EDA: variants seen among roughly 807,000 people sequenced by gnomAD.
The protein encoded by EDA is ectodysplasin-A.
Under a neutral mutation model 23.6 loss-of-function variants are expected in EDA, and 2 were observed. That is an observed-to-expected ratio of 0.08 (90% CI 0.03 to 0.27). The LOEUF (loss-of-function observed/expected upper bound fraction) is 0.27, where lower values mean the gene tolerates loss of function less well. Among genes scored for constraint, EDA ranks in the 10% least tolerant of loss-of-function variants. EDA has a pLI of 1.00. For missense variants in EDA, 229 were observed against 324.2 expected, an observed-to-expected ratio of 0.71 and a Z score of 2.26; for synonymous variants, 131 against 132.0, an observed-to-expected ratio of 0.99 and a Z score of 0.05.
At chrX:69,706,282 C>T (rs1022198285) in intron 1 of EDA, among the ~76,000 whole-genome samples, 11 of 111,832 alleles carry the variant, frequency 9.8e-5, no homozygotes, top group Non-Finnish European at 2.1e-4. Context: ...AAGATTTTGA[C>T]GAAGGCATAG....
At chrX:69,896,398 AGTGTGT>A (rs373119823) in intron 1 of EDA, among the ~76,000 whole-genome samples, 6 of 97,303 alleles carry the variant, frequency 6.2e-5, no homozygotes, top group African/African-American at 7.7e-5. Context: ...TATGTGCATC[AGTGTGT>A]GTGTGTGTGT....
At chrX:69,987,326 A>T (rs1403709798) in intron 2 of EDA, among the ~76,000 whole-genome samples, 22 of 106,456 alleles carry the variant, frequency 2.1e-4, no homozygotes, top group South Asian at 8.0e-4. Flanking sequence ...ATAAATAAAT[A>T]AAAAAAAAAT....
intron 1 of EDA, among the ~76,000 whole-genome samples, chrX:69,803,859 A>G (rs1404528127): frequency 9.2e-6 from 1 of 108,510 alleles, no homozygotes; most frequent in Non-Finnish European, 1.9e-5. Context: ...TCTACTTTCC[A>G]CTTTTATGAG....
chrX:69,826,070 G>T (rs916302115), intron 1 of EDA, among the ~76,000 whole-genome samples: 3 of 109,699 alleles, frequency 2.7e-5, no homozygotes, highest in African/African-American at 1.0e-4. Flanking sequence ...GAGATAGTTT[G>T]TTATAATTTC....
intron 1 of EDA, among the ~76,000 whole-genome samples, chrX:69,700,542 G>A (rs775503173): frequency 1.8e-5 from 2 of 111,129 alleles, no homozygotes; most frequent in Non-Finnish European, 3.8e-5. Flanking sequence ...TTTTTGACAG[G>A]TAGAATTGGT....
chrX:69,847,000 C>A (rs1423640304), intron 1 of EDA, among the ~76,000 whole-genome samples: 1 of 111,602 alleles, frequency 9.0e-6, no homozygotes, highest in Non-Finnish European at 1.9e-5. Context: ...ACTAAAGTAG[C>A]TTATTCAGAT....
rs186282260 is a variant in EDA, at chrX:69,995,828, G to A, written c.503-27390G>A. 3.2e-3 allele frequency among the ~76,000 whole-genome samples: 356 copies of A among 111,979 alleles called. 1 individual carries two copies. Among genetic ancestry groups the A allele is most frequent in the African/African-American group, 0.011 (340 of 30,814 alleles). On this transcript the variant is annotated intron_variant, in intron 2 of 7. Transcript: ENST00000374552. ...AACCTCACTCCGTACTTCCAGAAGG[G>A]GCAACCACTAGACCAGAAGGAATGG...
chrX:69,883,563 T>G (rs1938025), intron 1 of EDA, among the ~76,000 whole-genome samples: 321 of 111,842 alleles, frequency 2.9e-3, no homozygotes, highest in African/African-American at 0.01. Context: ...GAAAGTCCTA[T>G]CTATACGTTG....
intron 1 of EDA, among the ~76,000 whole-genome samples, chrX:69,665,216 T>A (rs918013203): frequency 3.6e-5 from 4 of 112,514 alleles, no homozygotes; most frequent in Non-Finnish European, 7.5e-5. Context: ...TGTTAATCTC[T>A]TGTCAGATAT....
chrX:70,030,903 A>G (rs185558398), intron 6 of EDA, among the ~76,000 whole-genome samples: 1 of 111,887 alleles, frequency 8.9e-6, no homozygotes, highest in East Asian at 2.8e-4. Context: ...TCTGATCTAC[A>G]CAGGTGGGCA....
intron 1 of EDA, among the ~76,000 whole-genome samples, chrX:69,792,624 C>A (rs1326266297): frequency 8.9e-6 from 1 of 112,287 alleles, no homozygotes; most frequent in Non-Finnish European, 1.9e-5. Context: ...CACATCCATG[C>A]CAACATCTAT....
In EDA at chrX:69,632,334, C is replaced by A. The variant is rs190289821; in HGVS notation, c.396+15630C>A. Among the ~76,000 whole-genome samples the A allele has an allele frequency of 2.4e-3, 271 of 111,946 alleles. 1 individual carries two copies. The highest frequency in any genetic ancestry group is 3.1e-3 in the Admixed American group (33 of 10,552). ...GCCCATTGCTCCAATCACCCTCTTG[C>A]AATTACCTCAAGTCTCTTGACTCTC... is the stretch of plus-strand genomic sequence containing the variant. On this transcript the variant is annotated intron_variant, in intron 1 of 7. Transcript: ENST00000374552.
At chrX:69,943,491 A>G (rs779447595) in intron 1 of EDA, among the ~76,000 whole-genome samples, 3 of 110,436 alleles carry the variant, frequency 2.7e-5, no homozygotes, top group Non-Finnish European at 3.8e-5. Flanking sequence ...CCATACAGAG[A>G]CTCTTGCTCT....
chrX:70,015,146 C>G (rs2019928485), intron 2 of EDA, among the ~76,000 whole-genome samples: 1 of 111,862 alleles, frequency 8.9e-6, no homozygotes, highest in Non-Finnish European at 1.9e-5. Context: ...CATGAAAGAA[C>G]AAGTATTAAA....
intron 1 of EDA, among the ~76,000 whole-genome samples, chrX:69,637,137 A>G (rs1301294010): frequency 2.7e-5 from 3 of 111,885 alleles, no homozygotes; most frequent in Non-Finnish European, 5.6e-5. Context: ...TTCAATGGAG[A>G]TGGGAAGAAA....
intron 2 of EDA, among the ~76,000 whole-genome samples, chrX:69,996,791 G>T (rs1036918759): frequency 1.8e-5 from 2 of 111,510 alleles, no homozygotes; most frequent in Non-Finnish European, 3.8e-5. Context: ...TGAATCATGG[G>T]AGCAGTTTCC....
chrX:69,909,291 G>T (rs930351955), intron 1 of EDA, among the ~76,000 whole-genome samples: 1 of 111,520 alleles, frequency 9.0e-6, no homozygotes, highest in Non-Finnish European at 1.9e-5. Context: ...TTTGTTGGTT[G>T]GTTTGTTTTG....
At chrX:69,789,469 G>A in intron 1 of EDA, among the ~76,000 whole-genome samples, 1 of 111,914 alleles carries the variant, frequency 8.9e-6, no homozygotes, top group Non-Finnish European at 1.9e-5. Flanking sequence ...ATTTCTTAGG[G>A]CAAATTTTTC....
chrX:69,638,185 A>G (rs1193088309), intron 1 of EDA, among the ~76,000 whole-genome samples: 1 of 112,100 alleles, frequency 8.9e-6, no homozygotes, highest in African/African-American at 3.2e-5. Context: ...CTTAAGAAAT[A>G]CTGTTGTTGC....
Sources: gnomAD v4.1 joint callset for allele counts (sites outside exome capture counted in the v4.1 genomes callset) on GRCh38, gnomAD v4.1.1 for gene constraint, MANE v1.5 for transcripts, NCBI Gene and HGNC (gene_info 2026-07-23, HGNC 2026-07-21) for gene names.